The following WDR27 variants were observed in gnomAD, a reference collection of about 807,000 sequenced individuals.
WDR27 encodes the protein WD repeat domain 27, also known as WD repeat-containing protein 27.
A neutral mutation model predicts 114.4 loss-of-function variants in WDR27; 100 were observed. The ratio of observed to expected loss-of-function variants is 0.87; its 90% CI spans 0.74 to 1.03. WDR27 has a LOEUF of 1.03. Among genes scored for constraint, WDR27 ranks in the 50% least tolerant of loss-of-function variants. WDR27 has a pLI of 0.00. For missense variants in WDR27, 1,129 were observed against 1,092.9 expected (o/e 1.03, Z -0.47); for synonymous variants, 449 against 423.1 (o/e 1.06, Z -0.75).
rs530364299 is a variant in WDR27 at position 169,643,817 on chromosome 6, TAGAAA to T, written c.1658-36_1658-32del. The T allele has an allele frequency of 1.6e-4, 257 of 1,572,140 alleles. 2 individuals carry two copies. In the South Asian group the frequency reaches 2.5e-3, roughly 15 times the overall value. On this transcript the variant is annotated intron_variant, in intron 16 of 25. Transcript: ENST00000448612. ...AAAAGAATTTTAAAAAAAGACTTCT[TAGAAA>T]AGCCTAATTCATAGGAGTCACACTG...
chr6:169,480,144 G>A (rs890505626), intron 25 of WDR27, among the ~76,000 whole-genome samples: 4 of 152,344 alleles, frequency 2.6e-5, no homozygotes, highest in Non-Finnish European at 5.9e-5. Context: ...GCCAGCCGGT[G>A]CCACCGGCCC....
chr6:169,484,085 G>T (rs1788554298), intron 25 of WDR27, among the ~76,000 whole-genome samples: 1 of 152,070 alleles, frequency 6.6e-6, no homozygotes, highest in Non-Finnish European at 1.5e-5. Flanking sequence ...ATTGACAAAA[G>T]CTGGAAGCAT....
chr6:169,665,821 G>A (rs200728746), intron 6 of WDR27, among the ~76,000 whole-genome samples: 2 of 152,184 alleles, frequency 1.3e-5, no homozygotes, highest in East Asian at 1.9e-4. Context: ...GATGGGTCCC[G>A]AGGAATCCCA....
At chr6:169,515,057 C>T (rs1220265772) in intron 25 of WDR27, among the ~76,000 whole-genome samples, 1 of 151,748 alleles carries the variant, frequency 6.6e-6, no homozygotes. Flanking sequence ...AGACTGATAA[C>T]ACTAATTGTT....
rs1784413113 is a variant in WDR27 at position 169,457,484 on chromosome 6, A to G, written c.*108T>C. 1.0e-6 allele frequency: 1 copy of G among 952,928 alleles called. No individual in the cohort carries two copies. The highest frequency in any genetic ancestry group is 1.8e-5 in the South Asian group (1 of 55,038). 59.0% of individuals were successfully genotyped at this position (952,928 alleles called of 1,614,324 possible). On this transcript the variant is annotated 3_prime_UTR_variant, in exon 26 of 26. Coordinates refer to ENST00000448612, the MANE Select transcript of WDR27 (RefSeq NM_182552.5). ...ATCTGAGGCAAGTCTCAAAATATGA[A>G]AAACAGTTGCTGCTTCTGGCCCCCT...
chr6:169,631,053 T>C (rs1290679657), intron 21 of WDR27, among the ~76,000 whole-genome samples: 1 of 152,214 alleles, frequency 6.6e-6, no homozygotes, highest in Non-Finnish European at 1.5e-5. Context: ...TCATCATAAA[T>C]CACCAAACTG....
chr6:169,693,338 T>C (rs1000178070), intron 1 of WDR27, among the ~76,000 whole-genome samples: 1 of 151,696 alleles, frequency 6.6e-6, no homozygotes, highest in African/African-American at 2.4e-5. Flanking sequence ...GTAAAAGGAG[T>C]TCTAAATCTT....
At chr6:169,642,829 C>G (rs1447181423) in intron 17 of WDR27, among the ~76,000 whole-genome samples, 1 of 152,266 alleles carries the variant, frequency 6.6e-6, no homozygotes. Context: ...TTCCTAATGA[C>G]TGCCCTTGGG....
chr6:169,644,837 G>A (rs1346373159), intron 16 of WDR27, among the ~76,000 whole-genome samples: 3 of 82,226 alleles, frequency 3.6e-5, no homozygotes, highest in Non-Finnish European at 6.7e-5. Flanking sequence ...GTGAAACCCC[G>A]TCTCTACTAA....
At chr6:169,453,520 C>T (rs893157287), downstream of WDR27, among the ~76,000 whole-genome samples, 6 of 152,206 alleles carry the variant, frequency 3.9e-5, no homozygotes, top group African/African-American at 1.4e-4. Flanking sequence ...CGCTTTCTCT[C>T]CTGGGTTGTC....
At chr6:169,662,170 A>G (rs977384967) in intron 9 of WDR27, 134 bp downstream of exon 9, 12 of 900,692 alleles carry the variant, frequency 1.3e-5, no homozygotes, top group Non-Finnish European at 2.0e-5. Flanking sequence ...AATCCCAAGA[A>G]TGAAGTTACT....
chr6:169,570,997 C>T (rs994735172), intron 25 of WDR27, among the ~76,000 whole-genome samples: 1 of 152,202 alleles, frequency 6.6e-6, no homozygotes, highest in Admixed American at 6.5e-5. Context: ...ATACAAGCAT[C>T]ACCACAGAGC....
rs562899329 is a variant in WDR27, at chr6:169,604,694, T to C, written c.2322-2373A>G. ...TCCCTGATGAACATAAAAACAATTTTCAACAAAATACTACCAAACAGAATC... is the reference window on the plus strand; with the variant it reads ...TCCCTGATGAACATAAAAACAATTTCCAACAAAATACTACCAAACAGAATC... On this transcript the variant is annotated intron_variant, in intron 22 of 25. Coordinates refer to ENST00000448612, the MANE Select transcript of WDR27 (RefSeq NM_182552.5). Among the ~76,000 whole-genome samples, 11 of 152,162 alleles carry C rather than the reference T, an allele frequency of 7.2e-5. 1 individual carries two copies. The highest frequency in any genetic ancestry group is 2.6e-4 in the African/African-American group (11 of 41,522).
intron 10 of WDR27, 84 bp downstream of exon 10, chr6:169,660,579 C>G (rs763182784): frequency 2.6e-5 from 30 of 1,167,960 alleles, no homozygotes; most frequent in Non-Finnish European, 3.6e-5. Context: ...ACGGCAAGGC[C>G]TTCTCCACAA....
At chr6:169,450,164 A>G in the WDR27 span, among the ~76,000 whole-genome samples, 1 of 152,204 alleles carries the variant, frequency 6.6e-6, no homozygotes, top group Non-Finnish European at 1.5e-5. Context: ...CTGGGGAGCA[A>G]CAGCGTCATG....
At chr6:169,669,234 T>A (rs537923305) in intron 4 of WDR27, among the ~76,000 whole-genome samples, 54 of 152,368 alleles carry the variant, frequency 3.5e-4, no homozygotes, top group African/African-American at 1.2e-3. Context: ...AGTATGCTGT[T>A]AAAAGAATGT....
chr6:169,667,453 AC>A lies in WDR27; in HGVS notation c.661-267del, dbSNP rs1828164656. The A allele has an allele frequency of 7.5e-6, 7 of 934,744 alleles. No individual in the cohort carries two copies. In the South Asian group the frequency reaches 3.0e-4, roughly 40 times the overall value. The allele number at this position is 934,744 out of a possible 1,614,324, so 57.9% of individuals were successfully genotyped here. A position where few individuals can be genotyped will look rare whatever the true frequency, so the allele number is the denominator to read the frequency against. ...AAACAAAAATGAAACAAGGTGAAAA[AC>A]AGTTCCCAGGCACTTGGTCAACGCT... is the stretch of plus-strand genomic sequence containing the variant. On this transcript the variant is annotated intron_variant, in intron 5 of 25. Coordinates refer to ENST00000448612, the MANE Select transcript of WDR27 (RefSeq NM_182552.5).
At chr6:169,520,511 A>T (rs1345177710) in intron 25 of WDR27, among the ~76,000 whole-genome samples, 1 of 152,206 alleles carries the variant, frequency 6.6e-6, no homozygotes, top group Non-Finnish European at 1.5e-5. Flanking sequence ...ACGAAACAAC[A>T]GCAAACAGGG....
intron 1 of WDR27, among the ~76,000 whole-genome samples, chr6:169,690,981 C>T (rs554569428): frequency 3.9e-5 from 6 of 152,256 alleles, no homozygotes; most frequent in South Asian, 4.1e-4. Context: ...TTTGGGAGGC[C>T]GAGGCGGGCG....
Sources: allele counts gnomAD v4.1 joint callset (sites outside exome capture counted in the v4.1 genomes callset), GRCh38; gene constraint gnomAD v4.1.1; transcripts MANE v1.5; gene names NCBI Gene and HGNC (gene_info 2026-07-23, HGNC 2026-07-21).